SYCP2: variants seen among roughly 807,000 people sequenced by gnomAD.
SYCP2 encodes synaptonemal complex protein 2.
In SYCP2, 55 loss-of-function variants were observed where a neutral mutation model predicts 211.3. The ratio of observed to expected loss-of-function variants is 0.26; its 90% CI spans 0.21 to 0.33. SYCP2 has a LOEUF of 0.33. Ranked by LOEUF, SYCP2 falls within the 10% of genes least tolerant of loss-of-function variation. The pLI, the probability that SYCP2 is intolerant of heterozygous loss-of-function variation, is 1.00. For missense variants in SYCP2, 1,731 were observed against 1,752.0 expected (o/e 0.99, Z 0.21); for synonymous variants, 570 against 555.2 (o/e 1.03, Z -0.37).
At chr20:59,866,843 C>A (rs910595334) in intron 39 of SYCP2, among the ~76,000 whole-genome samples, 15 of 151,568 alleles carry the variant, frequency 9.9e-5, no homozygotes, top group African/African-American at 3.6e-4. Context: ...CCACACTCTA[C>A]AGTATTTACA....
chr20:59,884,059 T>C (rs900899999), intron 26 of SYCP2, among the ~76,000 whole-genome samples: 4 of 152,090 alleles, frequency 2.6e-5, no homozygotes, highest in Non-Finnish European at 5.9e-5. Context: ...ATAGAAAATA[T>C]TGTAAATCTA....
At chr20:59,920,269 T>C in intron 5 of SYCP2, 90 bp downstream of exon 5, 1 of 1,214,004 alleles carries the variant, frequency 8.2e-7, no homozygotes, top group Non-Finnish European at 1.1e-6. Context: ...TTCCTAAATT[T>C]ATTTTCAACA....
At chr20:59,869,713 A>G in intron 36 of SYCP2, 85 bp downstream of exon 36, 2 of 697,954 alleles carry the variant, frequency 2.9e-6, no homozygotes, top group Non-Finnish European at 4.7e-6. Flanking sequence ...AAAATATTAT[A>G]ATTACCACTA....
chr20:59,885,654 ACGCGCG>A (rs11473428), intron 26 of SYCP2, among the ~76,000 whole-genome samples: 2,929 of 152,174 alleles, frequency 0.019, 41 homozygotes, highest in Middle Eastern at 0.041. Flanking sequence ...ACACACACAC[ACGCGCG>A]CACGCGCGAT....
At chr20:59,912,219 C>T in intron 13 of SYCP2, 154 bp downstream of exon 13, 1 of 471,552 alleles carries the variant, frequency 2.1e-6, no homozygotes, top group Non-Finnish European at 3.8e-6. Context: ...AAAACTTCTC[C>T]TGGTTTCACT....
At position 59,869,797 on chromosome 20, in the gene SYCP2, C is replaced by G. The variant is rs199827374; in HGVS notation, c.3741+1G>C. The G allele has an allele frequency of 7.1e-5, 113 of 1,587,196 alleles. No individual in the cohort carries two copies. The highest frequency in any genetic ancestry group is 9.2e-5 in the Non-Finnish European group (107 of 1,160,520). On this transcript the variant is annotated splice_donor_variant, in intron 36 of 44. Transcript: ENST00000357552. LOFTEE classifies it high-confidence loss of function. ...TTTATAAGTTATAGTCCCACACTTA[C>G]CTCTCTTTTGCTTTGTATATAATTT...
At chr20:59,876,196 C>A (rs937313045) in intron 33 of SYCP2, among the ~76,000 whole-genome samples, 2 of 150,936 alleles carry the variant, frequency 1.3e-5, no homozygotes, top group Admixed American at 6.6e-5. Context: ...CATGGTGAAA[C>A]CCAGTCTCTA....
intron 26 of SYCP2, among the ~76,000 whole-genome samples, chr20:59,884,285 G>T (rs1171237668): frequency 6.6e-6 from 1 of 151,990 alleles, no homozygotes; most frequent in African/African-American, 2.4e-5. Context: ...GAGTCAAAAA[G>T]CTATCAATTA....
intron 18 of SYCP2, among the ~76,000 whole-genome samples, chr20:59,899,669 G>A (rs1355514448): frequency 6.6e-6 from 1 of 152,152 alleles, no homozygotes; most frequent in Non-Finnish European, 1.5e-5. Flanking sequence ...ACAATGTCAA[G>A]TGTCACAGCA....
At chr20:59,903,456 A>T (rs986782510) in intron 15 of SYCP2, among the ~76,000 whole-genome samples, 1 of 152,140 alleles carries the variant, frequency 6.6e-6, no homozygotes, top group Non-Finnish European at 1.5e-5. Flanking sequence ...TTTATGATGT[A>T]GACATTTGAG....
intron 2 of SYCP2, among the ~76,000 whole-genome samples, chr20:59,924,412 A>G (rs1435540663): frequency 1.3e-5 from 2 of 151,888 alleles, no homozygotes; most frequent in Non-Finnish European, 2.9e-5. Context: ...TGATCTGTCT[A>G]TGTCAATTTA....
chr20:59,893,929 T>A (rs1304361490), intron 20 of SYCP2, among the ~76,000 whole-genome samples: 1 of 152,074 alleles, frequency 6.6e-6, no homozygotes, highest in Non-Finnish European at 1.5e-5. Context: ...ATAGCCTGCT[T>A]TATCTATTTT....
At chr20:59,884,110 C>T (rs570634899) in intron 26 of SYCP2, among the ~76,000 whole-genome samples, 37 of 151,932 alleles carry the variant, frequency 2.4e-4, no homozygotes, top group Non-Finnish European at 3.8e-4. Flanking sequence ...CATTGTTGTA[C>T]GTAAATAAAT....
intron 18 of SYCP2, among the ~76,000 whole-genome samples, chr20:59,899,216 T>C (rs2060069594): frequency 6.6e-6 from 1 of 151,976 alleles, no homozygotes; most frequent in Non-Finnish European, 1.5e-5. Flanking sequence ...GAAAGAATAA[T>C]CACAAGCACC....
chr20:59,898,773 A>C (rs547892838), intron 18 of SYCP2, among the ~76,000 whole-genome samples: 67 of 152,338 alleles, frequency 4.4e-4, no homozygotes, highest in African/African-American at 1.6e-3. Context: ...GAGAAAGTGA[A>C]AATGAACAAG....
chr20:59,915,706 T>C, intron 8 of SYCP2, 156 bp from the exon 9 acceptor site: 1 of 540,158 alleles, frequency 1.9e-6, no homozygotes. Context: ...ATATATAAAG[T>C]ATAAAATAGG....
intron 2 of SYCP2, among the ~76,000 whole-genome samples, chr20:59,925,149 T>C (rs2060610888): frequency 6.6e-6 from 1 of 151,914 alleles, no homozygotes; most frequent in Admixed American, 6.6e-5. Flanking sequence ...AACCTTAAAA[T>C]CAGAAACTCT....
Position 59,872,292 on chromosome 20 carries a change from G to T in SYCP2, c.3555+1564C>A, listed in dbSNP as rs956372128. ...GGTGCCATGAAATCTCTGGCCATCG[G>T]GTTGTCCTGCCTGGGATATGAATCA... On this transcript the variant is annotated intron_variant, in intron 35 of 44. Transcript: ENST00000357552. Among the ~76,000 whole-genome samples, 3 of 151,800 alleles carry T rather than the reference G, an allele frequency of 2.0e-5. No individual in the cohort carries two copies. The East Asian group carries it at 5.8e-4, about 29-fold the overall frequency.
chr20:59,924,277 T>TA (rs2145890837), intron 2 of SYCP2, among the ~76,000 whole-genome samples: 1 of 152,142 alleles, frequency 6.6e-6, no homozygotes, highest in East Asian at 1.9e-4. Context: ...GTTCACAACT[T>TA]ACTATTCTTT....
Sources: allele counts gnomAD v4.1 joint callset (sites outside exome capture counted in the v4.1 genomes callset), GRCh38; gene constraint gnomAD v4.1.1; transcripts MANE v1.5; gene names NCBI Gene and HGNC (gene_info 2026-07-23, HGNC 2026-07-21).